Variants in ABCC2 observed in about 807,000 individuals in gnomAD.
ABCC2 encodes ATP-binding cassette sub-family C member 2.
ABCC2 carries 157 observed loss-of-function variants against 173.4 expected under a neutral mutation model. The observed-to-expected ratio is 0.91, with a 90% CI of 0.80 to 1.03. The LOEUF (loss-of-function observed/expected upper bound fraction) is 1.03. Ranked by LOEUF, ABCC2 falls within the 50% of genes least tolerant of loss-of-function variation. ABCC2 has a pLI of 0.00. For synonymous variants in ABCC2, 657 were observed against 693.5 expected, an observed-to-expected ratio of 0.95 and a Z score of 0.83; for missense variants, 1,822 against 1,852.3, an observed-to-expected ratio of 0.98 and a Z score of 0.30.
intron 28 of ABCC2, among the ~76,000 whole-genome samples, chr10:99,845,357 A>G (rs2039001819): frequency 6.6e-6 from 1 of 152,132 alleles, no homozygotes; most frequent in African/African-American, 2.4e-5. Context: ...GTTTTTATCT[A>G]TAATTTCCAA....
At position 99,817,505 on chromosome 10, in the gene ABCC2, T is replaced by G. The variant is rs191857105; in HGVS notation, c.2271+21T>G. 1.2e-4 allele frequency: 196 copies of G among 1,613,592 alleles called. No homozygotes were observed. The African/African-American group carries it at 2.1e-3, about 17-fold the overall frequency. On this transcript the variant is annotated intron_variant, in intron 17 of 31. Coordinates refer to ENST00000647814, the MANE Select transcript of ABCC2 (RefSeq NM_000392.5). ...AGAAGGTACTTGGGATAACAAGGGA[T>G]CTTCAAGGGTGAAGGCATATTGAAG...
rs202025336 is a variant in ABCC2 at position 99,842,048 on chromosome 10, C to T, written c.3696C>T (p.Thr1232=). 1 of 1,614,102 alleles carries T rather than the reference C, an allele frequency of 6.2e-7. No individual in the cohort carries two copies. Among genetic ancestry groups the T allele is most frequent in the Non-Finnish European group, 8.5e-7 (1 of 1,180,022 alleles). ...TGATGATGGTTATTTATAGAGATAC[C>T]CTAAGTGGGGACACTGTTGGCTTTG... is the stretch of plus-strand genomic sequence containing the variant. The part of the protein sequence containing the change: ...SALMMVIYRD[T]LSGDTVGFVL... The change falls in exon 26 of 32, where the codon ACC becomes ACT. Residue 1232 remains threonine (T), a synonymous_variant. Transcript: ENST00000647814.
At chr10:99,811,861 G>T (rs1171687199) in intron 15 of ABCC2, among the ~76,000 whole-genome samples, 2 of 152,208 alleles carry the variant, frequency 1.3e-5, no homozygotes, top group Non-Finnish European at 2.9e-5. Context: ...GAAGACATTT[G>T]TGTGTGCAGA....
At chr10:99,829,545 A>ATATTT (rs71009776) in intron 19 of ABCC2, among the ~76,000 whole-genome samples, 1 of 151,384 alleles carries the variant, frequency 6.6e-6, no homozygotes, top group Admixed American at 6.6e-5. Flanking sequence ...ACTGTGTCTT[A>ATATTT]TATTTTATTT....
chr10:99,814,206 C>G lies in ABCC2; in HGVS notation c.2094+1062C>G, dbSNP rs1590164501. On this transcript the variant is annotated intron_variant, in intron 16 of 31. Coordinates refer to ENST00000647814, the MANE Select transcript of ABCC2 (RefSeq NM_000392.5). ...ATGTATACACACATGTGTATATATA[C>G]ACACATGTGTATATATACACACATG... 2.8e-5 allele frequency among the ~76,000 whole-genome samples: 2 copies of G among 72,328 alleles called. 1 individual carries two copies. The highest frequency in any genetic ancestry group is 5.7e-5 in the Non-Finnish European group (2 of 35,032). The allele number at this position is 72,328 out of a possible 152,430, so 47.4% of individuals were successfully genotyped here.
chr10:99,797,199 C>T lies in ABCC2; in HGVS notation c.735C>T (p.His245=), dbSNP rs1198523931. Residue 245 remains histidine, a synonymous_variant, in exon 7 of 32, where the codon CAC becomes CAT. Transcript: ENST00000647814. ...CATTAGTGAGCAAGTTTGAAACGCA[C>T]ATGAAGAGAGAGCTGCAGAAAGCCA... ...TKTLVSKFET[H]MKRELQKARR... 6.2e-7 allele frequency: 1 copy of T among 1,614,170 alleles called. No individual in the cohort carries two copies. Among genetic ancestry groups the T allele is most frequent in the African/African-American group, 1.3e-5 (1 of 75,054 alleles).
At position 99,799,349 on chromosome 10, in the gene ABCC2, T is replaced by A. The variant is rs1344774157; in HGVS notation, c.1010T>A (p.Phe337Tyr). ...AAGCTAGTGAATGACATCTTCACGT[T>A]TGTGAGTCCTCAGCTGCTGAAGTGA... ...LLKLVNDIFT[F>Y]VSPQLLKLLI... The change falls in exon 8 of 32, where the codon TTT becomes TAT. Residue 337 changes from phenylalanine to tyrosine, a missense_variant. By Grantham distance (22) the Phe-to-Tyr change is conservative (BLOSUM62 3). Transcript: ENST00000647814. The A allele has an allele frequency of 6.2e-7, 1 of 1,614,202 alleles. No individual in the cohort carries two copies. Among genetic ancestry groups the A allele is most frequent in the Admixed American group, 1.7e-5 (1 of 60,016 alleles).
intron 30 of ABCC2, among the ~76,000 whole-genome samples, chr10:99,848,741 C>T (rs535243709): frequency 4.2e-4 from 64 of 152,316 alleles, no homozygotes; most frequent in African/African-American, 1.5e-3. Context: ...AAGCTCCCAA[C>T]GCCTAAACTG....
At chr10:99,842,703 A>C (rs1397979052) in intron 26 of ABCC2, among the ~76,000 whole-genome samples, 1 of 152,148 alleles carries the variant, frequency 6.6e-6, no homozygotes, top group Non-Finnish European at 1.5e-5. Flanking sequence ...TAGTTCAAAG[A>C]GATTTGCATA....
At position 99,830,703 on chromosome 10, in the gene ABCC2, T is replaced by G. The variant is rs17222737; in HGVS notation, c.2748-13T>G. 229 of 1,614,040 alleles carry G rather than the reference T, an allele frequency of 1.4e-4. 1 individual carries two copies. In the African/African-American group the frequency reaches 2.9e-3, roughly 20 times the overall value. ...GAATTGCCTGCATGCTCAGGGAAGC[T>G]TCCCTCTCTCAGTTCTAGGTCCAAT... On this transcript the variant is annotated splice_polypyrimidine_tract_variant and intron_variant, in intron 20 of 31. Coordinates refer to ENST00000647814, the MANE Select transcript of ABCC2 (RefSeq NM_000392.5).
chr10:99,792,594 G>A (rs1015119334), intron 3 of ABCC2, among the ~76,000 whole-genome samples: 21 of 152,190 alleles, frequency 1.4e-4, no homozygotes, highest in African/African-American at 5.1e-4. Flanking sequence ...TCATGACTAA[G>A]ATGTATATCT....
chr10:99,802,453 A>G (rs2038029075), intron 9 of ABCC2, among the ~76,000 whole-genome samples: 1 of 152,070 alleles, frequency 6.6e-6, no homozygotes, highest in East Asian at 1.9e-4. Flanking sequence ...GAAAATAGAA[A>G]TATATAGTGA....
chr10:99,804,153 T>C lies in ABCC2; in HGVS notation c.1344T>C (p.Ile448=). 6.2e-7 allele frequency: 1 copy of C among 1,614,154 alleles called. No individual in the cohort carries two copies. Among genetic ancestry groups the C allele is most frequent in the Non-Finnish European group, 8.5e-7 (1 of 1,180,034 alleles). ...TGCTGTGGTCAAGTGTTCTACAGATTGTCTTATCTATCTTCTTCCTATGGA... is the reference window on the plus strand; with the variant it reads ...TGCTGTGGTCAAGTGTTCTACAGATCGTCTTATCTATCTTCTTCCTATGGA... ...MHMLWSSVLQ[I]VLSIFFLWRE... The change falls in exon 10 of 32, where the codon ATT becomes ATC. Residue 448 remains isoleucine (I), a synonymous_variant. Coordinates refer to ENST00000647814, the MANE Select transcript of ABCC2 (RefSeq NM_000392.5).
intron 25 of ABCC2, among the ~76,000 whole-genome samples, chr10:99,840,575 G>A (rs2038922085): frequency 2.7e-5 from 4 of 146,548 alleles, no homozygotes; most frequent in South Asian, 2.2e-4. Context: ...GTGCAATCTC[G>A]GCTCACTGCA....
At chr10:99,804,377 G>T in intron 10 of ABCC2, 104 bp downstream of exon 10, 1 of 1,473,694 alleles carries the variant, frequency 6.8e-7, no homozygotes, top group Non-Finnish European at 9.4e-7. Context: ...AGGCAAAGCT[G>T]GTGGAAGACT....
At chr10:99,823,901 A>G in intron 19 of ABCC2, among the ~76,000 whole-genome samples, 2 of 137,160 alleles carry the variant, frequency 1.5e-5, no homozygotes, top group Non-Finnish European at 1.6e-5. Context: ...ATCTTGTCTG[A>G]CCAATTAATG....
At chr10:99,787,259 TC>T (rs1429692240) in intron 2 of ABCC2, among the ~76,000 whole-genome samples, 1 of 152,190 alleles carries the variant, frequency 6.6e-6, no homozygotes, top group Non-Finnish European at 1.5e-5. Context: ...TAACCCCGTC[TC>T]CTCCTTCCCC....
At chr10:99,807,256 A>G (rs973290153) in intron 11 of ABCC2, 128 bp from the exon 12 acceptor site, 17 of 1,242,512 alleles carry the variant, frequency 1.4e-5, no homozygotes, top group Non-Finnish European at 1.6e-5. Context: ...TTCTGTAATC[A>G]TACTTTATAA....
Position 99,807,426 on chromosome 10 carries a change from G to T in ABCC2, c.1573G>T (p.Val525Leu), listed in dbSNP as rs145924141. The change falls in exon 12 of 32, where the codon GTA becomes TTA. Residue 525 changes from valine to leucine, a missense_variant. Physicochemically the swap from Val to Leu is conservative, Grantham distance 32. Coordinates refer to ENST00000647814, the MANE Select transcript of ABCC2 (RefSeq NM_000392.5). ...CTGGGAACCTTCATTCAGAGACCAA[G>T]TACAAAACCTCCGGAAGAAAGAGCT... Reference protein sequence around the residue: ...FAWEPSFRDQVQNLRKKELKN... With the variant: ...FAWEPSFRDQLQNLRKKELKN... 6 of 1,613,952 alleles carry T rather than the reference G, an allele frequency of 3.7e-6. No homozygotes were observed. Among genetic ancestry groups the T allele is most frequent in the Non-Finnish European group, 5.1e-6 (6 of 1,179,996 alleles).
Sources: gnomAD v4.1 joint callset for allele counts (sites outside exome capture counted in the v4.1 genomes callset) on GRCh38, gnomAD v4.1.1 for gene constraint, MANE v1.5 for transcripts, NCBI Gene and HGNC (gene_info 2026-07-23, HGNC 2026-07-21) for gene names.